Variants in DOT1L observed in about 807,000 individuals in gnomAD.
DOT1L encodes the protein DOT1 like histone lysine methyltransferase, also known as histone-lysine N-methyltransferase, H3 lysine-79 specific.
Under a neutral mutation model 153.3 loss-of-function variants are expected in DOT1L, and 33 were observed. The ratio of observed to expected loss-of-function variants is 0.22; its 90% CI spans 0.16 to 0.29. DOT1L has a LOEUF of 0.29. Among genes scored for constraint, DOT1L ranks in the 10% least tolerant of loss-of-function variants. The pLI, the probability that DOT1L is intolerant of heterozygous loss-of-function variation, is 1.00. For missense variants in DOT1L, 1,847 were observed against 2,119.9 expected (o/e 0.87, Z 2.53); for synonymous variants, 1,135 against 965.1 (o/e 1.18, Z -3.26).
rs377045420 is a variant in DOT1L at position 2,225,476 on chromosome 19, G to A, written c.3661+24G>A. ...TGGTGAGTAACAAGTGTTTTGCGGC[G>A]TGGCCAGGCCTGTCCGTGTGGCCGT... On this transcript the variant is annotated intron_variant, in intron 26 of 27. Transcript: ENST00000398665. 42 of 1,613,048 alleles carry A rather than the reference G, an allele frequency of 2.6e-5. 1 individual carries two copies. In the Middle Eastern group the frequency reaches 6.6e-4, roughly 25 times the overall value.
Position 2,222,935 on chromosome 19 carries a change from G to C in DOT1L, c.3391-346G>C, listed in dbSNP as rs962881743. On this transcript the variant is annotated intron_variant, in intron 24 of 27. Transcript: ENST00000398665. This position sits in a 1 kb window ranked among gnomAD's most constrained non-coding sequence, Gnocchi z 6.5. ...GAGGCAGGGGGCCATGACTGAGCCC[G>C]GCCATCCTCCACCACGTGCGGCCTG... The C allele has an allele frequency of 4.6e-6, 2 of 430,556 alleles. No homozygotes were observed. The highest frequency in any genetic ancestry group is 8.3e-6 in the Non-Finnish European group (2 of 241,936). 26.7% of individuals were successfully genotyped at this position (430,556 alleles called of 1,614,324 possible). A position where few individuals can be genotyped will look rare whatever the true frequency, so the allele number is the denominator to read the frequency against.
intron 6 of DOT1L, 152 bp from the exon 7 acceptor site, chr19:2,194,363 G>A (rs1250699382): frequency 2.7e-6 from 2 of 745,242 alleles, no homozygotes; most frequent in African/African-American, 3.5e-5. Flanking sequence ...AGTAGAGACG[G>A]GGTTTCACCG....
Position 2,211,194 on chromosome 19 carries a change from G to T in DOT1L, c.1447G>T (p.Ala483Ser), listed in dbSNP as rs1452632751. ...GCTGCTGGTGGCGCCCACCCCGCCCGCGCTGCAGAAGCTTCTAGGTGAGCC... is the reference window on the plus strand; with the variant it reads ...GCTGCTGGTGGCGCCCACCCCGCCCTCGCTGCAGAAGCTTCTAGGTGAGCC... ...NPLLVAPTPP[A>S]LQKLLESFKI... Residue 483 changes from alanine to serine, a missense_variant, in exon 15 of 28, where the codon GCG becomes TCG. Ala to Ser is a moderately conservative substitution (Grantham distance 99). Coordinates refer to ENST00000398665, the MANE Select transcript of DOT1L (RefSeq NM_032482.3). The T allele has an allele frequency of 6.2e-7, 1 of 1,610,248 alleles. No individual in the cohort carries two copies.
At chr19:2,221,896 C>CT (rs2024130133) in intron 23 of DOT1L, 80 bp from the exon 24 acceptor site, 1 of 1,396,250 alleles carries the variant, frequency 7.2e-7, no homozygotes, top group Non-Finnish European at 9.6e-7. Context: ...CACAGAGCTC[C>CT]TAGGGGGTGG....
intron 1 of DOT1L, among the ~76,000 whole-genome samples, chr19:2,177,484 C>G (rs966408157): frequency 6.6e-6 from 1 of 152,028 alleles, no homozygotes; most frequent in Admixed American, 6.6e-5. Flanking sequence ...ATTAGTACTA[C>G]TAACAATTTT....
At chr19:2,203,651 C>T (rs559962887) in intron 9 of DOT1L, among the ~76,000 whole-genome samples, 3 of 152,222 alleles carry the variant, frequency 2.0e-5, no homozygotes, top group African/African-American at 2.4e-5. Context: ...CCCATGACAT[C>T]GATTCCAGTC....
In DOT1L at chr19:2,217,013, A is replaced by G. The variant is rs1188460860; in HGVS notation, c.2467A>G (p.Met823Val). 1.2e-6 allele frequency: 2 copies of G among 1,613,138 alleles called. No individual in the cohort carries two copies. Among genetic ancestry groups the G allele is most frequent in the Non-Finnish European group, 8.5e-7 (1 of 1,179,906 alleles). ...CCAGAGCCCCAGCGTGCCTGGCAGC[A>G]TGAAGCTGAGCCCTCAGGACCCGCG... ...PYQSPSVPGS[M>V]KLSPQDPRPL... The change falls in exon 21 of 28, where the codon ATG becomes GTG. Residue 823 changes from methionine (M) to valine (V), a missense_variant. Transcript: ENST00000398665. This position sits in a 1 kb window ranked among gnomAD's most constrained non-coding sequence, Gnocchi z 7.3.
chr19:2,168,170 C>A (rs2019998955), intron 1 of DOT1L, among the ~76,000 whole-genome samples: 1 of 152,118 alleles, frequency 6.6e-6, no homozygotes, highest in African/African-American at 2.4e-5. Flanking sequence ...CTCAAGAAAC[C>A]TGTCAAATGA....
rs2023059050 is a variant in DOT1L at position 2,197,184 on chromosome 19, G to C, written c.651+2607G>C. On this transcript the variant is annotated intron_variant, in intron 7 of 27. Transcript: ENST00000398665. The surrounding 1 kb of genome is among the most constrained non-coding windows in gnomAD (Gnocchi z 4.1). Reference sequence around the variant, plus strand: ...CCTCGGCTTCTGTTCTGCTGTCTTTGACCAGGACTTGCGCATCCAGGGCTG... The same window carrying C: ...CCTCGGCTTCTGTTCTGCTGTCTTTCACCAGGACTTGCGCATCCAGGGCTG... 6.6e-6 allele frequency among the ~76,000 whole-genome samples: 1 copy of C among 152,174 alleles called. No individual in the cohort carries two copies. The highest frequency in any genetic ancestry group is 1.5e-5 in the Non-Finnish European group (1 of 68,032).
At chr19:2,201,867 G>A (rs956504401) in intron 8 of DOT1L, among the ~76,000 whole-genome samples, 6 of 152,244 alleles carry the variant, frequency 3.9e-5, no homozygotes, top group Admixed American at 3.9e-4. Flanking sequence ...GGCACAGCGT[G>A]CAGGTCTTGA....
chr19:2,173,574 A>G (rs747040493), intron 1 of DOT1L, among the ~76,000 whole-genome samples: 8 of 152,132 alleles, frequency 5.3e-5, no homozygotes, highest in Non-Finnish European at 1.0e-4. Flanking sequence ...GTAAACCTGG[A>G]ACGTGCAGAC....
chr19:2,180,683 C>T, intron 1 of DOT1L, 30 bp from the exon 2 acceptor site: 1 of 1,613,644 alleles, frequency 6.2e-7, no homozygotes. Context: ...GAGGATGGCT[C>T]TGCGTCTCAA....
intron 27 of DOT1L, chr19:2,227,793 G>A (rs866031922): frequency 2.3e-6 from 3 of 1,310,814 alleles, no homozygotes; most frequent in Admixed American, 2.2e-5. Context: ...AGCCCGTGTC[G>A]GCCGCGGGGC....
chr19:2,211,303 C>T, intron 15 of DOT1L, 91 bp downstream of exon 15: 3 of 1,144,538 alleles, frequency 2.6e-6, no homozygotes, highest in South Asian at 1.5e-5. Flanking sequence ...CGCAGCAGCC[C>T]CCGTGACCTC....
rs189242093 is a variant in DOT1L, at chr19:2,231,701, G to A, written c.*1909G>A. On this transcript the variant is annotated 3_prime_UTR_variant, in exon 28 of 28. Coordinates refer to ENST00000398665, the MANE Select transcript of DOT1L (RefSeq NM_032482.3). ...AGCCTGCTCTGTGTCGCCACGGGCC[G>A]GATACGCCACAGGGTTGATGGCAGA... 5 of 213,784 alleles carry A rather than the reference G, an allele frequency of 2.3e-5. No homozygotes were observed. The highest frequency in any genetic ancestry group is 6.9e-5 in the East Asian group (1 of 14,530). The allele number at this position is 213,784 out of a possible 1,614,324, so 13.2% of individuals were successfully genotyped here. A position where few individuals can be genotyped will look rare whatever the true frequency, so the allele number is the denominator to read the frequency against.
At chr19:2,188,638 C>T (rs976261144) in intron 3 of DOT1L, among the ~76,000 whole-genome samples, 18 of 152,172 alleles carry the variant, frequency 1.2e-4, no homozygotes, top group Non-Finnish European at 1.6e-4. Context: ...CTGGGGTCCC[C>T]GGTGAGAGCC....
chr19:2,202,862 A>C, intron 9 of DOT1L, 83 bp downstream of exon 9: 1 of 1,418,682 alleles, frequency 7.0e-7, no homozygotes, highest in Non-Finnish European at 1.0e-6. Flanking sequence ...GGTGTCCTGC[A>C]GAAGGCAGCT....
intron 9 of DOT1L, among the ~76,000 whole-genome samples, chr19:2,203,362 A>C (rs974307006): frequency 6.6e-6 from 1 of 152,162 alleles, no homozygotes; most frequent in Admixed American, 6.5e-5. Context: ...CGGCCCCCGC[A>C]AAGTTTTGAG....
At position 2,230,387 on chromosome 19, in the gene DOT1L, C is replaced by T. The variant is rs540872904; in HGVS notation, c.*595C>T. The T allele has an allele frequency of 1.2e-5, 5 of 405,946 alleles. No homozygotes were observed. The highest frequency in any genetic ancestry group is 6.2e-4 in the Middle Eastern group (1 of 1,602). 25.1% of individuals were successfully genotyped at this position (405,946 alleles called of 1,614,324 possible). On this transcript the variant is annotated 3_prime_UTR_variant, in exon 28 of 28. Coordinates refer to ENST00000398665, the MANE Select transcript of DOT1L (RefSeq NM_032482.3). ...TGCCCTGAGCTCTTCACCTTTACCC[C>T]GGCACTGTGAACCCCCAGACTGTTC...
Sources: allele counts gnomAD v4.1 joint callset (sites outside exome capture counted in the v4.1 genomes callset), GRCh38; gene constraint gnomAD v4.1.1; non-coding constraint Gnocchi (gnomAD v3.1); transcripts MANE v1.5; gene names NCBI Gene and HGNC (gene_info 2026-07-23, HGNC 2026-07-21).